Variants in ADCK1 observed in about 807,000 individuals in gnomAD.
ADCK1 encodes the protein aarF domain containing kinase 1, also known as aarF domain-containing protein kinase 1.
ADCK1 carries 41 observed loss-of-function variants against 52.3 expected under a neutral mutation model. The observed-to-expected ratio is 0.78, with a 90% CI of 0.61 to 1.02. ADCK1 has a LOEUF of 1.02. Ranked by LOEUF, ADCK1 falls within the 50% of genes least tolerant of loss-of-function variation. ADCK1 has a pLI of 0.00. For synonymous variants in ADCK1, 250 were observed against 274.6 expected (o/e 0.91, Z 0.89); for missense variants, 658 against 679.5 (o/e 0.97, Z 0.35).
chr14:77,817,761 A>C (rs943522752), intron 1 of ADCK1, among the ~76,000 whole-genome samples: 3 of 147,078 alleles, frequency 2.0e-5, no homozygotes, highest in African/African-American at 5.1e-5. Context: ...TTTGAGACGG[A>C]GTCTCGCTCT....
chr14:77,800,449 C>G (rs2081084557), intron 1 of ADCK1, among the ~76,000 whole-genome samples: 1 of 152,260 alleles, frequency 6.6e-6, no homozygotes, highest in Non-Finnish European at 1.5e-5. Flanking sequence ...TGTGACCTGT[C>G]CACTTCAGTG....
chr14:77,930,687 C>T (rs2084308409), intron 9 of ADCK1, among the ~76,000 whole-genome samples: 1 of 152,128 alleles, frequency 6.6e-6, no homozygotes, highest in Admixed American at 6.5e-5. Flanking sequence ...GGATAATACA[C>T]CGATAGGGTT....
intron 3 of ADCK1, among the ~76,000 whole-genome samples, chr14:77,845,516 G>A (rs1023207741): frequency 1.3e-5 from 2 of 151,972 alleles, no homozygotes; most frequent in African/African-American, 4.8e-5. Context: ...TCCATCTCCC[G>A]GGTTCAAACA....
chr14:77,852,907 ATTTTTTTT>A (rs71303864), intron 3 of ADCK1, among the ~76,000 whole-genome samples: 313 of 28,804 alleles, frequency 0.011, 1 homozygote, highest in East Asian at 0.017. Flanking sequence ...ATATATATAT[ATTTTTTTT>A]TTTTTTTTTT....
intron 3 of ADCK1, among the ~76,000 whole-genome samples, chr14:77,851,833 C>T (rs147579383): frequency 3.0e-4 from 45 of 152,046 alleles, no homozygotes; most frequent in Admixed American, 2.6e-3. Context: ...TTTGGTTAAG[C>T]AATCATTTGT....
chr14:77,922,394 G>A (rs1034624424), intron 7 of ADCK1, among the ~76,000 whole-genome samples: 4 of 152,314 alleles, frequency 2.6e-5, no homozygotes, highest in South Asian at 2.1e-4. Context: ...GCGTGGTAGC[G>A]GGCATAGTGT....
intron 3 of ADCK1, among the ~76,000 whole-genome samples, chr14:77,850,702 G>A (rs2082266524): frequency 6.9e-6 from 1 of 145,292 alleles, no homozygotes; most frequent in Admixed American, 7.0e-5. Flanking sequence ...CCAGGCTGGA[G>A]TGCAGTGGCG....
Position 77,853,176 on chromosome 14 carries a change from T to A in ADCK1, c.220-5900T>A, listed in dbSNP as rs1174158883. ...GGGTTCTCTTTCTGTCTCTTTTATG[T>A]CATCCATGCCTTGGCTTACTGCAAC... On this transcript the variant is annotated intron_variant, in intron 3 of 10. Transcript: ENST00000238561. Among the ~76,000 whole-genome samples the A allele has an allele frequency of 2.0e-5, 3 of 151,844 alleles. No homozygotes were observed. In the East Asian group the frequency reaches 5.8e-4, roughly 29 times the overall value.
intron 3 of ADCK1, among the ~76,000 whole-genome samples, chr14:77,822,924 A>G (rs959826230): frequency 2.0e-5 from 3 of 152,114 alleles, no homozygotes; most frequent in Non-Finnish European, 4.4e-5. Context: ...TGGGGAGTAC[A>G]AGGGTCTGGG....
chr14:77,886,946 AACAC>A (rs754135364), intron 4 of ADCK1, 141 bp from the exon 5 acceptor site: 5 of 656,194 alleles, frequency 7.6e-6, no homozygotes, highest in South Asian at 3.3e-5. Flanking sequence ...ACACACGCAC[AACAC>A]ACACACACAC....
chr14:77,814,226 A>G (rs1056219893), intron 1 of ADCK1, among the ~76,000 whole-genome samples: 3 of 151,830 alleles, frequency 2.0e-5, no homozygotes, highest in Non-Finnish European at 4.4e-5. Flanking sequence ...CAACAGGTGC[A>G]TGCCACCACA....
intron 7 of ADCK1, among the ~76,000 whole-genome samples, chr14:77,913,477 A>G (rs2083843709): frequency 6.6e-6 from 1 of 152,180 alleles, no homozygotes; most frequent in South Asian, 2.1e-4. Context: ...CCTGGTGATC[A>G]TATTTGCCAG....
chr14:77,872,652 G>A (rs952504369), intron 4 of ADCK1, among the ~76,000 whole-genome samples: 9 of 149,504 alleles, frequency 6.0e-5, no homozygotes, highest in Admixed American at 6.8e-5. Context: ...TTGCTGTGCC[G>A]CCCCCAGGTC....
At chr14:77,859,621 A>G (rs2082500394) in intron 4 of ADCK1, among the ~76,000 whole-genome samples, 1 of 152,158 alleles carries the variant, frequency 6.6e-6, no homozygotes. Flanking sequence ...GCCCCATCCC[A>G]TCTGGTTTCA....
chr14:77,809,470 C>T (rs533699165), intron 1 of ADCK1, among the ~76,000 whole-genome samples: 3 of 152,066 alleles, frequency 2.0e-5, no homozygotes, highest in African/African-American at 4.8e-5. Flanking sequence ...GCTGGGATTA[C>T]AGACGTCCAC....
At chr14:77,830,514 A>G (rs1337194611) in intron 3 of ADCK1, among the ~76,000 whole-genome samples, 3 of 151,048 alleles carry the variant, frequency 2.0e-5, no homozygotes, top group Admixed American at 2.0e-4. Context: ...GCTGGTCTCA[A>G]ACTCCTGGGT....
chr14:77,843,274 C>G (rs529603240), intron 3 of ADCK1, among the ~76,000 whole-genome samples: 9 of 152,296 alleles, frequency 5.9e-5, no homozygotes, highest in African/African-American at 2.2e-4. Context: ...GTCCCACATT[C>G]AGGCCTGTGG....
Position 77,924,660 on chromosome 14 carries a change from G to A in ADCK1, c.1008+54G>A. On this transcript the variant is annotated intron_variant, in intron 8 of 10. Coordinates refer to ENST00000238561, the MANE Select transcript of ADCK1 (RefSeq NM_020421.4). ...GGGGCCTCTGGGGTTAGAGTCTGCT[G>A]ACCACTCTAATTAGCTGCAGAACCG... The A allele has an allele frequency of 3.8e-6, 6 of 1,598,776 alleles. No homozygotes were observed. The South Asian group carries it at 4.4e-5, about 12-fold the overall frequency.
intron 7 of ADCK1, among the ~76,000 whole-genome samples, chr14:77,919,786 T>C (rs756716007): frequency 6.6e-6 from 1 of 152,184 alleles, no homozygotes; most frequent in Non-Finnish European, 1.5e-5. Context: ...CTTTCAGGAG[T>C]AAGGTGGTAT....
Sources: gnomAD v4.1 joint callset for allele counts (sites outside exome capture counted in the v4.1 genomes callset) on GRCh38, gnomAD v4.1.1 for gene constraint, MANE v1.5 for transcripts, NCBI Gene and HGNC (gene_info 2026-07-23, HGNC 2026-07-21) for gene names.